The following VIPR2 variants were observed in gnomAD, a reference collection of about 807,000 sequenced individuals.
The protein encoded by VIPR2 is vasoactive intestinal polypeptide receptor 2.
Under a neutral mutation model 58.0 loss-of-function variants are expected in VIPR2, and 48 were observed. The ratio of observed to expected loss-of-function variants is 0.83; its 90% CI spans 0.66 to 1.05. VIPR2 has a LOEUF of 1.05. Ranked by LOEUF, VIPR2 falls within the 50% of genes least tolerant of loss-of-function variation. The probability of loss-of-function intolerance (pLI) is 0.00; values close to 1 mark genes in which losing one functional copy is unlikely to be tolerated. For missense variants in VIPR2, 534 were observed against 558.0 expected, an observed-to-expected ratio of 0.96 and a Z score of 0.43; for synonymous variants, 243 against 235.2, an observed-to-expected ratio of 1.03 and a Z score of -0.30.
chr7:159,144,555 C>T (rs776784670), intron 1 of VIPR2, 166 bp downstream of exon 1: 1 of 1,465,862 alleles, frequency 6.8e-7, no homozygotes, highest in Non-Finnish European at 9.1e-7. Context: ...GCTTCACGCT[C>T]TCCGGGAGGA....
chr7:159,070,128 C>T (rs1217479387), intron 4 of VIPR2, among the ~76,000 whole-genome samples: 1 of 152,202 alleles, frequency 6.6e-6, no homozygotes, highest in African/African-American at 2.4e-5. Flanking sequence ...TAAAAAGGAA[C>T]TTGCCCTTTA....
intron 4 of VIPR2, among the ~76,000 whole-genome samples, chr7:159,062,735 G>T (rs923290412): frequency 6.6e-6 from 1 of 152,146 alleles, no homozygotes; most frequent in Non-Finnish European, 1.5e-5. Flanking sequence ...AGCACATAAG[G>T]AGACCCAGTG....
intron 2 of VIPR2, among the ~76,000 whole-genome samples, chr7:159,139,409 T>C (rs1264432638): frequency 6.6e-6 from 1 of 152,188 alleles, no homozygotes; most frequent in African/African-American, 2.4e-5. Flanking sequence ...CAGCTCATGA[T>C]GCCTGCTGTG....
chr7:159,111,428 C>T (rs1345117667), intron 2 of VIPR2, among the ~76,000 whole-genome samples: 7 of 151,688 alleles, frequency 4.6e-5, no homozygotes, highest in Non-Finnish European at 8.8e-5. Flanking sequence ...ACCTGTAATC[C>T]CAGCGCTTTG....
chr7:159,105,846 G>T (rs1388623835), intron 3 of VIPR2, among the ~76,000 whole-genome samples: 1 of 152,194 alleles, frequency 6.6e-6, no homozygotes, highest in African/African-American at 2.4e-5. Flanking sequence ...ACAGACTCAG[G>T]AACAGCACTC....
rs2129495703 is a variant in VIPR2 at position 159,099,795 on chromosome 7, G to A, written c.357+3962C>T. Among the ~76,000 whole-genome samples the A allele has an allele frequency of 6.6e-6, 1 of 152,222 alleles. No individual in the cohort carries two copies. The highest frequency in any genetic ancestry group is 2.1e-4 in the South Asian group (1 of 4,808). On this transcript the variant is annotated intron_variant, in intron 4 of 12. Coordinates refer to ENST00000262178, the MANE Select transcript of VIPR2 (RefSeq NM_003382.5). The surrounding 1 kb of genome is among the most constrained non-coding windows in gnomAD (Gnocchi z 4.2). ...CCCCCCAGGCCACAGAAGCCCCTGA[G>A]ACCCCTGGCTGCTCCCTTTCCTATG...
At chr7:159,137,115 C>T (rs554848142) in intron 2 of VIPR2, among the ~76,000 whole-genome samples, 66 of 152,256 alleles carry the variant, frequency 4.3e-4, no homozygotes, top group African/African-American at 1.5e-3. Flanking sequence ...ACTCTGACCC[C>T]ATCAGCAGCA....
rs1796707560 is a variant in VIPR2, at chr7:159,127,748, T to C, written c.151+14698A>G. On this transcript the variant is annotated intron_variant, in intron 2 of 12. Transcript: ENST00000262178. This position sits in a 1 kb window ranked among gnomAD's most constrained non-coding sequence, Gnocchi z 4.6. ...CCTGACTCTTCCTCTTCCAGATGTTTGCTGTTATTACCTTCATGGACAGCC... is the reference window on the plus strand; with the variant it reads ...CCTGACTCTTCCTCTTCCAGATGTTCGCTGTTATTACCTTCATGGACAGCC... Among the ~76,000 whole-genome samples the C allele has an allele frequency of 6.6e-6, 1 of 152,228 alleles. No individual in the cohort carries two copies. The highest frequency in any genetic ancestry group is 1.5e-5 in the Non-Finnish European group (1 of 68,036).
At chr7:159,048,850 C>T (rs1168196877) in intron 5 of VIPR2, among the ~76,000 whole-genome samples, 1 of 152,204 alleles carries the variant, frequency 6.6e-6, no homozygotes, top group Non-Finnish European at 1.5e-5. Flanking sequence ...CAGCTCAGCC[C>T]TTACTGATGT....
At chr7:159,059,888 CACCTCATCTA>C (rs1224104379) in intron 4 of VIPR2, among the ~76,000 whole-genome samples, 3 of 150,966 alleles carry the variant, frequency 2.0e-5, no homozygotes, top group Non-Finnish European at 4.4e-5. Flanking sequence ...CCATGACCCT[CACCTCATCTA>C]ACCTCCATTC....
rs1459598217 is a variant in VIPR2, at chr7:159,109,864, C to G, written c.207G>C (p.Glu69Asp). 3.1e-6 allele frequency: 5 copies of G among 1,614,188 alleles called. No individual in the cohort carries two copies. Among genetic ancestry groups the G allele is most frequent in the Non-Finnish European group, 4.2e-6 (5 of 1,180,050 alleles). ...ITCWRPANVGETVTVPCPKVF... is the reference protein window; with the variant it reads ...ITCWRPANVGDTVTVPCPKVF... The stretch of plus-strand genomic sequence containing the variant: ...CTTTTGGGCAGGGCACCGTGACGGT[C>G]TCTCCCACATTGGCAGGCCGCCAGC... The change falls in exon 3 of 13, where the codon GAG (glutamate) becomes GAC (aspartate). Residue 69 changes from glutamate (E) to aspartate (D), a missense_variant. Around this residue, in one of 3 missense-constraint regions of VIPR2, gnomAD observed 224 missense variants for 255.7 expected, o/e 0.88. Coordinates refer to ENST00000262178, the MANE Select transcript of VIPR2 (RefSeq NM_003382.5).
chr7:159,034,744 T>C, intron 8 of VIPR2, 94 bp from the exon 9 acceptor site: 1 of 976,652 alleles, frequency 1.0e-6, no homozygotes, highest in Non-Finnish European at 1.6e-6. Flanking sequence ...ACTTGCCCAC[T>C]CCCCTCACCG....
intron 4 of VIPR2, among the ~76,000 whole-genome samples, chr7:159,081,591 T>A (rs1291135205): frequency 1.3e-5 from 2 of 152,110 alleles, no homozygotes; most frequent in African/African-American, 4.8e-5. Context: ...CCAAAAGCAA[T>A]GGCAACAAAA....
chr7:159,070,785 AT>A, intron 4 of VIPR2, among the ~76,000 whole-genome samples: 1 of 152,242 alleles, frequency 6.6e-6, no homozygotes, highest in Non-Finnish European at 1.5e-5. Context: ...GCTGGTTTTG[AT>A]TTTACACATC....
intron 4 of VIPR2, among the ~76,000 whole-genome samples, chr7:159,101,333 C>CGA (rs1858218765): frequency 7.2e-6 from 1 of 139,662 alleles, no homozygotes. Context: ...GAGGCGGTTC[C>CGA]CCTGACTGTT....
At position 159,031,467 on chromosome 7, in the gene VIPR2, A is replaced by G; in HGVS notation, c.1143+361T>C. ...GGACGCTGTGCAGCCCCACCCCCCA[A>G]CCCAGGCCCGGCTTTCTGGGACTCA... is the stretch of plus-strand genomic sequence containing the variant. On this transcript the variant is annotated intron_variant, in intron 12 of 12. Coordinates refer to ENST00000262178, the MANE Select transcript of VIPR2 (RefSeq NM_003382.5). The surrounding 1 kb of genome is among the most constrained non-coding windows in gnomAD (Gnocchi z 4.0). 3.0e-6 allele frequency: 3 copies of G among 985,300 alleles called. No individual in the cohort carries two copies. The highest frequency in any genetic ancestry group is 1.1e-4 in the East Asian group (1 of 8,780). 61.0% of individuals were successfully genotyped at this position (985,300 alleles called of 1,614,324 possible).
Position 159,117,928 on chromosome 7 carries a change from G to A in VIPR2, c.152-8009C>T, listed in dbSNP as rs375750493. Among the ~76,000 whole-genome samples the A allele has an allele frequency of 1.1e-3, 175 of 152,292 alleles. 1 individual carries two copies. Among genetic ancestry groups the A allele is most frequent in the African/African-American group, 3.7e-3 (153 of 41,570 alleles). On this transcript the variant is annotated intron_variant, in intron 2 of 12. Transcript: ENST00000262178. ...GCTCGGATGACAGCTTGCCTCCAACGCATTTAGAAGCAAATATTTCCAATC... is the reference window on the plus strand; with the variant it reads ...GCTCGGATGACAGCTTGCCTCCAACACATTTAGAAGCAAATATTTCCAATC...
intron 4 of VIPR2, among the ~76,000 whole-genome samples, chr7:159,084,263 C>T (rs544533101): frequency 3.2e-4 from 49 of 152,338 alleles, no homozygotes; most frequent in Non-Finnish European, 5.3e-4. Context: ...GCAGGCCGCA[C>T]GAGGTGTGGG....
In VIPR2 at chr7:159,098,992, G is replaced by C. The variant is rs997137567; in HGVS notation, c.357+4765C>G. Among the ~76,000 whole-genome samples, 2 of 152,218 alleles carry C rather than the reference G, an allele frequency of 1.3e-5. No homozygotes were observed. Among genetic ancestry groups the C allele is most frequent in the African/African-American group, 2.4e-5 (1 of 41,464 alleles). On this transcript the variant is annotated intron_variant, in intron 4 of 12. Transcript: ENST00000262178. The surrounding 1 kb of genome is among the most constrained non-coding windows in gnomAD (Gnocchi z 5.2). ...GCCCAGGACCGTGCATGTCCACCCC[G>C]TGGCTGCCTGGGGCCTGTTCTGGTG...
Sources: allele counts gnomAD v4.1 joint callset (sites outside exome capture counted in the v4.1 genomes callset), GRCh38; gene constraint gnomAD v4.1.1; regional missense constraint gnomAD v4.1.1; non-coding constraint Gnocchi (gnomAD v3.1); transcripts MANE v1.5; gene names NCBI Gene and HGNC (gene_info 2026-07-23, HGNC 2026-07-21).